CTNNA2: variants seen among roughly 807,000 people sequenced by gnomAD.
CTNNA2 encodes catenin alpha-2.
CTNNA2 carries 42 observed loss-of-function variants against 101.0 expected under a neutral mutation model. That is an observed-to-expected ratio of 0.42 (90% CI 0.32 to 0.54). The LOEUF (loss-of-function observed/expected upper bound fraction) is 0.54. CTNNA2 is among the 20% of genes least tolerant of loss of function. The probability of loss-of-function intolerance (pLI) is 0.14; values close to 1 mark genes in which losing one functional copy is unlikely to be tolerated. For missense variants in CTNNA2, 871 were observed against 1,223.1 expected (o/e 0.71, Z 4.29); for synonymous variants, 450 against 456.4 (o/e 0.99, Z 0.18).
intron 15 of CTNNA2, among the ~76,000 whole-genome samples, chr2:80,601,421 CTTT>C (rs56921519): frequency 2.4e-5 from 2 of 84,392 alleles, no homozygotes; most frequent in Non-Finnish European, 4.5e-5. Flanking sequence ...TTCTTTCTTT[CTTT>C]TTTTTTTTTT....
In CTNNA2 at chr2:79,840,827, TG is replaced by T. The variant is rs759413109; in HGVS notation, c.299-17184del. Among the ~76,000 whole-genome samples, 15 of 150,978 alleles carry T rather than the reference TG, an allele frequency of 9.9e-5. No individual in the cohort carries two copies. In the East Asian group the frequency reaches 1.2e-3, roughly 12 times the overall value. ...TCGCCCAGGCCGGACTGCAGTGGCGTGGCGCGATCTCGGCTCACTGCAAGCT... is the reference window on the plus strand; with the variant it reads ...TCGCCCAGGCCGGACTGCAGTGGCGTGCGCGATCTCGGCTCACTGCAAGCT... On this transcript the variant is annotated intron_variant, in intron 3 of 18. Transcript: ENST00000402739.
At chr2:80,524,051 AC>A in intron 9 of CTNNA2, among the ~76,000 whole-genome samples, 1 of 152,228 alleles carries the variant, frequency 6.6e-6, no homozygotes, top group Admixed American at 6.5e-5. Flanking sequence ...TGTAGTCCTG[AC>A]AAAAGCATAG....
At chr2:79,937,400 TC>T (rs1187694688) in intron 7 of CTNNA2, among the ~76,000 whole-genome samples, 1 of 152,178 alleles carries the variant, frequency 6.6e-6, no homozygotes, top group Non-Finnish European at 1.5e-5. Flanking sequence ...TGGAAGACAA[TC>T]CATCGTTTCA....
chr2:79,214,670 G>A (rs1674223441), intron 2 of CTNNA2, among the ~76,000 whole-genome samples: 2 of 152,188 alleles, frequency 1.3e-5, no homozygotes, highest in South Asian at 4.1e-4. Context: ...GTAAGGTGGG[G>A]GGATACGAGA....
intron 7 of CTNNA2, among the ~76,000 whole-genome samples, chr2:80,336,489 G>A (rs888394329): frequency 3.3e-5 from 5 of 152,052 alleles, no homozygotes; most frequent in Non-Finnish European, 7.4e-5. Flanking sequence ...CAAAAGAATT[G>A]CAGACATTAC....
intron 4 of CTNNA2, among the ~76,000 whole-genome samples, chr2:79,397,091 T>A (rs1265280858): frequency 6.6e-6 from 1 of 152,180 alleles, no homozygotes; most frequent in Non-Finnish European, 1.5e-5. Context: ...CATATTTTTA[T>A]TGATATACTA....
chr2:79,772,260 G>A (rs967530189), intron 3 of CTNNA2, among the ~76,000 whole-genome samples: 3 of 152,040 alleles, frequency 2.0e-5, no homozygotes, highest in Non-Finnish European at 4.4e-5. Flanking sequence ...TAAAAAAATT[G>A]TCTTCAACAC....
chr2:80,256,640 C>G (rs1435752681), intron 7 of CTNNA2, among the ~76,000 whole-genome samples: 1 of 152,116 alleles, frequency 6.6e-6, no homozygotes, highest in Non-Finnish European at 1.5e-5. Flanking sequence ...GGTCATCCAG[C>G]CTTCCACTTG....
intron 4 of CTNNA2, among the ~76,000 whole-genome samples, chr2:79,402,231 A>G (rs977874832): frequency 6.6e-6 from 1 of 151,904 alleles, no homozygotes; most frequent in Non-Finnish European, 1.5e-5. Context: ...CTTCACTTTC[A>G]ATAATGGATG....
intron 8 of CTNNA2, among the ~76,000 whole-genome samples, chr2:80,413,865 T>C (rs565100310): frequency 1.3e-5 from 2 of 152,316 alleles, no homozygotes; most frequent in African/African-American, 4.8e-5. Flanking sequence ...CTAACCCCAG[T>C]TTTGACCTTG....
In CTNNA2 at chr2:80,161,996, C is replaced by T. The variant is rs183004842; in HGVS notation, c.1057-231215C>T. ...TTTATCCCCAAACTTTACCAATAAG[C>T]CTTCTCAAATAGAATGTTAGTAAAG... On this transcript the variant is annotated intron_variant, in intron 7 of 18. Transcript: ENST00000402739. 3.0e-3 allele frequency among the ~76,000 whole-genome samples: 452 copies of T among 152,074 alleles called. 2 individuals carry two copies. The highest frequency in any genetic ancestry group is 3.4e-3 in the Middle Eastern group (1 of 294).
At chr2:80,644,124 C>G (rs1170331588) in intron 18 of CTNNA2, among the ~76,000 whole-genome samples, 1 of 152,038 alleles carries the variant, frequency 6.6e-6, no homozygotes, top group Non-Finnish European at 1.5e-5. Flanking sequence ...ATGAGTGGGC[C>G]TTGGAGAGAG....
intron 7 of CTNNA2, among the ~76,000 whole-genome samples, chr2:80,042,339 C>T (rs549000447): frequency 1.3e-5 from 2 of 152,162 alleles, no homozygotes; most frequent in East Asian, 3.9e-4. Flanking sequence ...TGATCTGGTG[C>T]GGAATGGAGA....
At chr2:80,147,749 G>A (rs1199190541) in intron 7 of CTNNA2, among the ~76,000 whole-genome samples, 1 of 152,132 alleles carries the variant, frequency 6.6e-6, no homozygotes, top group Non-Finnish European at 1.5e-5. Context: ...ATACCACGGG[G>A]TGGACTTCTC....
chr2:79,399,373 T>C (rs1678266183), intron 4 of CTNNA2, among the ~76,000 whole-genome samples: 1 of 152,126 alleles, frequency 6.6e-6, no homozygotes, highest in Non-Finnish European at 1.5e-5. Context: ...CTCATTGCTA[T>C]CAGACCTTAA....
At chr2:79,193,862 G>A (rs1484161858) in intron 1 of CTNNA2, among the ~76,000 whole-genome samples, 2 of 152,124 alleles carry the variant, frequency 1.3e-5, no homozygotes, top group East Asian at 3.8e-4. Context: ...GGATAATAAT[G>A]GTACCTACTT....
intron 2 of CTNNA2, among the ~76,000 whole-genome samples, chr2:79,710,251 T>C (rs910900038): frequency 6.6e-6 from 1 of 152,182 alleles, no homozygotes; most frequent in Admixed American, 6.5e-5. Flanking sequence ...CATATGAAGA[T>C]GAAAAGTACA....
rs993741841 is a variant in CTNNA2 at position 80,008,506 on chromosome 2, TCTC to T, written c.1056+98710_1056+98712del. Among the ~76,000 whole-genome samples the T allele has an allele frequency of 2.0e-5, 3 of 152,260 alleles. No homozygotes were observed. In the South Asian group the frequency reaches 6.2e-4, roughly 32 times the overall value. ...TCTTTTCATCACTTGCACATCAACT[TCTC>T]TTCTTCTTCTTAACTCTCCGTGAGT... On this transcript the variant is annotated intron_variant, in intron 7 of 18. Transcript: ENST00000402739.
chr2:79,316,069 A>C (rs1676489543), intron 3 of CTNNA2, among the ~76,000 whole-genome samples: 1 of 152,058 alleles, frequency 6.6e-6, no homozygotes, highest in South Asian at 2.1e-4. Context: ...GTTTTCCTAA[A>C]AGAGTTTCAT....
Sources: gnomAD v4.1 joint callset for allele counts (sites outside exome capture counted in the v4.1 genomes callset) on GRCh38, gnomAD v4.1.1 for gene constraint, MANE v1.5 for transcripts, NCBI Gene and HGNC (gene_info 2026-07-23, HGNC 2026-07-21) for gene names.